Variants in ATP8A2 observed in about 807,000 individuals in gnomAD.
ATP8A2 encodes the protein phospholipid-transporting ATPase IB.
Under a neutral mutation model 165.6 loss-of-function variants are expected in ATP8A2, and 100 were observed. That is an observed-to-expected ratio of 0.60 (90% CI 0.51 to 0.71). The LOEUF is 0.71. Ranked by LOEUF, ATP8A2 falls within the 30% of genes least tolerant of loss-of-function variation. ATP8A2 has a pLI of 0.00. For synonymous variants in ATP8A2, 543 were observed against 548.8 expected (o/e 0.99, Z 0.15); for missense variants, 1,227 against 1,479.5 (o/e 0.83, Z 2.80).
intron 30 of ATP8A2, among the ~76,000 whole-genome samples, chr13:25,859,563 G>GAA (rs71665615): frequency 1.5e-5 from 2 of 130,196 alleles, no homozygotes; most frequent in Non-Finnish European, 1.7e-5. Flanking sequence ...TCCTTGAAAA[G>GAA]AAAAAAAAAA....
intron 16 of ATP8A2, among the ~76,000 whole-genome samples, chr13:25,570,105 G>A (rs573773640): frequency 2.3e-4 from 35 of 152,146 alleles, no homozygotes; most frequent in African/African-American, 8.0e-4. Flanking sequence ...ACATATCCAG[G>A]GCAATTCTGG....
intron 35 of ATP8A2, among the ~76,000 whole-genome samples, chr13:25,988,384 A>G (rs1956311068): frequency 6.6e-6 from 1 of 152,220 alleles, no homozygotes; most frequent in South Asian, 2.1e-4. Flanking sequence ...CTCAGCCTCC[A>G]ACCTACAATA....
chr13:25,729,135 G>A (rs2043559566), intron 25 of ATP8A2, among the ~76,000 whole-genome samples: 1 of 151,338 alleles, frequency 6.6e-6, no homozygotes, highest in African/African-American at 2.4e-5. Flanking sequence ...CAAGATTTCA[G>A]TCAGTTTACT....
chr13:25,598,072 C>G (rs896322757), intron 24 of ATP8A2, among the ~76,000 whole-genome samples: 2 of 151,890 alleles, frequency 1.3e-5, no homozygotes, highest in Non-Finnish European at 2.9e-5. Context: ...GGATTGAGGT[C>G]CAGTTTATAT....
At position 25,427,638 on chromosome 13, in the gene ATP8A2, G is replaced by A. The variant is rs147420669; in HGVS notation, c.77-41339G>A. Among the ~76,000 whole-genome samples, 950 of 152,258 alleles carry A rather than the reference G, an allele frequency of 6.2e-3. 6 individuals carry two copies. The highest frequency in any genetic ancestry group is 0.021 in the African/African-American group (876 of 41,564). ...TGGCTGAGCACAGTGGCTCATGCCT[G>A]TAATCCCAGCACTTTGGGAGGCCGA... On this transcript the variant is annotated intron_variant, in intron 1 of 36. Transcript: ENST00000381655.
intron 35 of ATP8A2, among the ~76,000 whole-genome samples, chr13:25,985,529 G>A (rs1216925544): frequency 1.3e-5 from 2 of 152,212 alleles, no homozygotes; most frequent in Non-Finnish European, 2.9e-5. Context: ...TGTTTAATTT[G>A]AACGTCCCGC....
intron 24 of ATP8A2, among the ~76,000 whole-genome samples, chr13:25,631,333 G>A (rs1298950216): frequency 2.0e-5 from 3 of 152,102 alleles, no homozygotes; most frequent in African/African-American, 7.2e-5. Context: ...TATGTAATTA[G>A]GCACATGCAG....
intron 16 of ATP8A2, among the ~76,000 whole-genome samples, chr13:25,566,513 G>C (rs2039318459): frequency 6.6e-6 from 1 of 152,214 alleles, no homozygotes; most frequent in Non-Finnish European, 1.5e-5. Flanking sequence ...GTTCAAGTTA[G>C]GATGGTGAAT....
intron 2 of ATP8A2, among the ~76,000 whole-genome samples, chr13:25,496,737 T>C (rs1227309002): frequency 6.6e-6 from 1 of 152,202 alleles, no homozygotes; most frequent in Admixed American, 6.5e-5. Flanking sequence ...CCTATTTACT[T>C]AGAGGAACAA....
At chr13:25,892,263 A>C (rs1953388807) in intron 33 of ATP8A2, among the ~76,000 whole-genome samples, 1 of 152,146 alleles carries the variant, frequency 6.6e-6, no homozygotes, top group African/African-American at 2.4e-5. Flanking sequence ...GGTGTGAGCC[A>C]CTGCGCCTGG....
chr13:25,904,589 T>G (rs540230477), intron 33 of ATP8A2, among the ~76,000 whole-genome samples: 1 of 152,314 alleles, frequency 6.6e-6, no homozygotes, highest in African/African-American at 2.4e-5. Context: ...GTGCTGTTGC[T>G]CTGCTGAAAA....
At chr13:25,824,936 T>C (rs925513440) in intron 27 of ATP8A2, among the ~76,000 whole-genome samples, 3 of 152,030 alleles carry the variant, frequency 2.0e-5, no homozygotes, top group African/African-American at 7.2e-5. Context: ...ATCTATTTTA[T>C]CCTCTAAATT....
chr13:25,449,417 T>C (rs946569487), intron 1 of ATP8A2, among the ~76,000 whole-genome samples: 1 of 152,232 alleles, frequency 6.6e-6, no homozygotes. Flanking sequence ...TACTATTGAT[T>C]TGTGATTGTG....
intron 27 of ATP8A2, among the ~76,000 whole-genome samples, chr13:25,788,127 G>A (rs934391498): frequency 1.3e-5 from 2 of 152,318 alleles, no homozygotes; most frequent in African/African-American, 4.8e-5. Context: ...GTGAAAACTT[G>A]GCTGCACCTC....
At chr13:25,730,513 A>G (rs189960059) in intron 25 of ATP8A2, among the ~76,000 whole-genome samples, 12 of 152,072 alleles carry the variant, frequency 7.9e-5, no homozygotes, top group African/African-American at 2.7e-4. Flanking sequence ...GGTAGCTTCA[A>G]CTCTGCTTAG....
intron 24 of ATP8A2, among the ~76,000 whole-genome samples, chr13:25,681,643 G>A (rs1477295097): frequency 6.6e-6 from 1 of 152,174 alleles, no homozygotes; most frequent in African/African-American, 2.4e-5. Context: ...AAGAAAAATA[G>A]AGGTAGTCTG....
chr13:25,374,484 C>T (rs1051757944), intron 1 of ATP8A2, among the ~76,000 whole-genome samples: 1 of 152,072 alleles, frequency 6.6e-6, no homozygotes, highest in Non-Finnish European at 1.5e-5. Flanking sequence ...CAAGAGAGGT[C>T]GCTTTGTTTT....
intron 35 of ATP8A2, among the ~76,000 whole-genome samples, chr13:25,969,695 A>C (rs893115314): frequency 5.3e-5 from 8 of 150,480 alleles, no homozygotes; most frequent in African/African-American, 2.0e-4. Context: ...ATAGAGTTGA[A>C]GTTGTGGTTT....
chr13:25,502,546 A>G (rs752939443), intron 2 of ATP8A2, among the ~76,000 whole-genome samples: 1 of 152,232 alleles, frequency 6.6e-6, no homozygotes, highest in Non-Finnish European at 1.5e-5. Flanking sequence ...AATGTGAAAC[A>G]TGCCTCTGTC....
Sources: allele counts gnomAD v4.1 joint callset (sites outside exome capture counted in the v4.1 genomes callset), GRCh38; gene constraint gnomAD v4.1.1; transcripts MANE v1.5; gene names NCBI Gene and HGNC (gene_info 2026-07-23, HGNC 2026-07-21).